BLTP1: variants seen among roughly 807,000 people sequenced by gnomAD.
BLTP1 encodes fragile site-associated protein.
chr4:122,289,908 C>A, the BLTP1 span: 1 of 529,326 alleles, frequency 1.9e-6, no homozygotes, highest in Non-Finnish European at 2.4e-6. Context: ...GAGTCTGTGT[C>A]ATAGGAAAAA....
the BLTP1 span, among the ~76,000 whole-genome samples, chr4:122,270,767 C>T: frequency 6.6e-6 from 1 of 152,004 alleles, no homozygotes; most frequent in South Asian, 2.1e-4. Flanking sequence ...GAAATCATTT[C>T]TTAACATAAG....
At chr4:122,327,750 T>C in the BLTP1 span, 1 of 154,632 alleles carries the variant, frequency 6.5e-6, no homozygotes, top group African/African-American at 2.4e-5. Context: ...TGATACTGCA[T>C]GCTCTTCCAT....
chr4:122,293,213 G>A, the BLTP1 span: 2 of 976,638 alleles, frequency 2.0e-6, no homozygotes, highest in Non-Finnish European at 2.4e-6. Context: ...TTTATACTAT[G>A]AAATAAAACT....
chr4:122,325,954 C>T, the BLTP1 span: 2 of 584,254 alleles, frequency 3.4e-6, no homozygotes, highest in African/African-American at 4.0e-5. Context: ...TGCTTTAAAA[C>T]TAATCAACCA....
chr4:122,243,236 T>C, the BLTP1 span, among the ~76,000 whole-genome samples: 1 of 152,210 alleles, frequency 6.6e-6, no homozygotes, highest in Non-Finnish European at 1.5e-5. Flanking sequence ...CATTTATAAG[T>C]AGTCAGTAGC....
the BLTP1 span, among the ~76,000 whole-genome samples, chr4:122,218,703 AAAT>A: frequency 1.4e-5 from 2 of 146,146 alleles, no homozygotes; most frequent in African/African-American, 5.2e-5. Flanking sequence ...GGGAAAAAAT[AAAT>A]TAAATTGAAG....
chr4:122,178,010 C>T, the BLTP1 span: 19 of 586,666 alleles, frequency 3.2e-5, no homozygotes, highest in Admixed American at 9.5e-4. Flanking sequence ...TAGAAAAATG[C>T]TTAGTACATA....
At chr4:122,281,092 G>C in the BLTP1 span, among the ~76,000 whole-genome samples, 1 of 152,076 alleles carries the variant, frequency 6.6e-6, no homozygotes, top group Non-Finnish European at 1.5e-5. Context: ...TGAGATAAAT[G>C]AGACAAAGCA....
chr4:122,181,903 G>T, the BLTP1 span, among the ~76,000 whole-genome samples: 1 of 152,110 alleles, frequency 6.6e-6, no homozygotes, highest in East Asian at 1.9e-4. Context: ...ATGTCATATT[G>T]TAGGTAAAAG....
the BLTP1 span, chr4:122,187,834 A>G: frequency 8.0e-6 from 12 of 1,495,706 alleles, no homozygotes; most frequent in African/African-American, 1.8e-4. Context: ...AGCTAAAGAA[A>G]GAAATATGGC....
At chr4:122,221,910 TA>T in the BLTP1 span, 1 of 984,100 alleles carries the variant, frequency 1.0e-6, no homozygotes, top group Non-Finnish European at 1.2e-6. Flanking sequence ...ACTGCACTTT[TA>T]AAAGGCTTTT....
At chr4:122,250,390 T>C in the BLTP1 span, 1 of 1,612,138 alleles carries the variant, frequency 6.2e-7, no homozygotes, top group Non-Finnish European at 8.5e-7. Context: ...CTGTTTTATA[T>C]AACAGTTTTG....
At chr4:122,244,319 A>G in the BLTP1 span, among the ~76,000 whole-genome samples, 1 of 152,036 alleles carries the variant, frequency 6.6e-6, no homozygotes, top group African/African-American at 2.4e-5. Context: ...ACCAAAATCC[A>G]CAGATGCTCA....
the BLTP1 span, chr4:122,344,476 GCGTT>G: frequency 6.2e-7 from 1 of 1,613,996 alleles, no homozygotes; most frequent in East Asian, 2.2e-5. Flanking sequence ...CACGGATCAG[GCGTT>G]CAGGAGGTGC....
At chr4:122,352,142 C>T in the BLTP1 span, among the ~76,000 whole-genome samples, 1 of 152,050 alleles carries the variant, frequency 6.6e-6, no homozygotes, top group South Asian at 2.1e-4. Context: ...AGTTTAAAAG[C>T]AGTACTTAAA....
chr4:122,335,930 T>C, the BLTP1 span, among the ~76,000 whole-genome samples: 1 of 152,058 alleles, frequency 6.6e-6, no homozygotes, highest in Non-Finnish European at 1.5e-5. Flanking sequence ...CTAATGAGAG[T>C]CTAACCAAAA....
chr4:122,238,148 G>T, the BLTP1 span: 3 of 1,613,930 alleles, frequency 1.9e-6, no homozygotes, highest in South Asian at 3.3e-5. Flanking sequence ...GGGAATAGAA[G>T]TAGAGAGAAA....
the BLTP1 span, chr4:122,183,335 C>CAAA: frequency 2.5e-4 from 186 of 734,694 alleles, no homozygotes; most frequent in Middle Eastern, 6.8e-4. Flanking sequence ...GACCCTGTCT[C>CAAA]AAAAAAAAAA....
chr4:122,298,703 G>C, the BLTP1 span: 5 of 434,738 alleles, frequency 1.2e-5, no homozygotes, highest in African/African-American at 2.1e-5. Context: ...ATGAATTTTT[G>C]ATGAATGAAG....
Sources: gnomAD v4.1 joint callset for allele counts (sites outside exome capture counted in the v4.1 genomes callset) on GRCh38, gnomAD v4.1.1 for gene constraint, MANE v1.5 for transcripts, NCBI Gene and HGNC (gene_info 2026-07-23, HGNC 2026-07-21) for gene names.